CCDC32: variants seen among roughly 807,000 people sequenced by gnomAD.
CCDC32 encodes coiled-coil domain containing 32.
CCDC32 carries 9 observed loss-of-function variants against 20.1 expected under a neutral mutation model. That is an observed-to-expected ratio of 0.45 (90% CI 0.27 to 0.78). CCDC32 has a LOEUF of 0.78. Among genes scored for constraint, CCDC32 ranks in the 30% least tolerant of loss-of-function variants. The pLI is 0.16. For missense variants in CCDC32, 204 were observed against 215.5 expected, an observed-to-expected ratio of 0.95 and a Z score of 0.33; for synonymous variants, 63 against 79.0, an observed-to-expected ratio of 0.80 and a Z score of 1.07.
downstream of CCDC32, among the ~76,000 whole-genome samples, chr15:40,532,651 T>G (rs766576535): frequency 6.6e-6 from 1 of 152,038 alleles, no homozygotes; most frequent in Non-Finnish European, 1.5e-5. Flanking sequence ...CTGCTGCATA[T>G]TCTTTGTAAT....
chr15:40,527,710 C>G (rs1465484377), downstream of CCDC32, among the ~76,000 whole-genome samples: 2 of 152,318 alleles, frequency 1.3e-5, no homozygotes, highest in South Asian at 4.1e-4. Context: ...GAGACCTGAG[C>G]TAGCACATTA....
At chr15:40,562,688 G>A (rs1437359993) in intron 2 of CCDC32, 84 bp downstream of exon 2, 19 of 1,456,020 alleles carry the variant, frequency 1.3e-5, no homozygotes, top group African/African-American at 2.8e-5. Context: ...ACGTGTGACA[G>A]GAATAACAAC....
downstream of CCDC32, among the ~76,000 whole-genome samples, chr15:40,529,990 C>T (rs116656000): frequency 0.024 from 3,566 of 151,170 alleles, 159 homozygotes; most frequent in African/African-American, 0.082. Context: ...TTCCAAATCT[C>T]GTGTTAAAAT....
At chr15:40,544,614 A>G (rs1889537798) in intron 3 of CCDC32, among the ~76,000 whole-genome samples, 1 of 152,174 alleles carries the variant, frequency 6.6e-6, no homozygotes, top group African/African-American at 2.4e-5. Context: ...TGCTATACCA[A>G]CACACAGAGA....
downstream of CCDC32, chr15:40,552,978 A>G (rs1392285526): frequency 1.3e-5 from 4 of 303,594 alleles, no homozygotes; most frequent in African/African-American, 2.3e-5. Flanking sequence ...GCACATGCTA[A>G]TAACAGGAGG....
downstream of CCDC32, among the ~76,000 whole-genome samples, chr15:40,550,976 GTGTTT>G (rs1346872687): frequency 2.0e-5 from 3 of 152,334 alleles, no homozygotes; most frequent in African/African-American, 7.2e-5. Flanking sequence ...CTTTGGGAGA[GTGTTT>G]TGGGACCTCA....
At chr15:40,532,101 A>G, downstream of CCDC32, 1 of 505,888 alleles carries the variant, frequency 2.0e-6, no homozygotes, top group Non-Finnish European at 3.5e-6. Flanking sequence ...AAGTTGTTCT[A>G]TTATGGGTTC....
chr15:40,535,749 T>G, downstream of CCDC32: 3 of 688,828 alleles, frequency 4.4e-6, no homozygotes, highest in Non-Finnish European at 5.4e-6. Context: ...CATCTTTCTC[T>G]GATTGCAGTG....
intron 1 of CCDC32, 56 bp from the exon 2 acceptor site, chr15:40,563,083 T>C: frequency 6.4e-7 from 1 of 1,560,360 alleles, no homozygotes; most frequent in African/African-American, 1.4e-5. Flanking sequence ...CAGCATAAGG[T>C]TGAGCACAGT....
chr15:40,553,067 C>G (rs1462835634), downstream of CCDC32: 1 of 962,116 alleles, frequency 1.0e-6, no homozygotes, highest in Admixed American at 6.2e-5. Flanking sequence ...CTTCCAGGAG[C>G]AATCGAGTCA....
At chr15:40,564,650 C>T (rs1890897989) in intron 1 of CCDC32, 2 of 1,442,080 alleles carry the variant, frequency 1.4e-6, no homozygotes, top group Middle Eastern at 3.5e-4. Flanking sequence ...GCGTAAAGGC[C>T]GGAAGTAAAA....
intron 3 of CCDC32, among the ~76,000 whole-genome samples, chr15:40,542,280 TA>T (rs916114406): frequency 1.1e-4 from 16 of 152,378 alleles, no homozygotes; most frequent in African/African-American, 3.6e-4. Context: ...TTGTCCTTTG[TA>T]CTTCAGTGTG....
At chr15:40,534,097 G>A (rs1199446660), downstream of CCDC32, among the ~76,000 whole-genome samples, 1 of 152,126 alleles carries the variant, frequency 6.6e-6, no homozygotes, top group Non-Finnish European at 1.5e-5. Flanking sequence ...CCCACTCCTG[G>A]GAATTTGTCC....
Position 40,557,231 on chromosome 15 carries a change from A to C in CCDC32, c.386T>G (p.Leu129Arg). 1 of 1,613,378 alleles carries C rather than the reference A, an allele frequency of 6.2e-7. No individual in the cohort carries two copies. The highest frequency in any genetic ancestry group is 8.5e-7 in the Non-Finnish European group (1 of 1,179,800). Residue 129 changes from leucine (L) to arginine (R), a missense_variant, in exon 3 of 4, where the codon CTT (leucine) becomes CGT (arginine). Physicochemically the swap from Leu to Arg is moderately radical, Grantham distance 102 (BLOSUM62 -2). Coordinates refer to ENST00000416810, the MANE Select transcript of CCDC32 (RefSeq NM_001080792.4). ...KLASEFFVDG[L>R]DSDESTLEHF... ...AATCGATTACCTCTCATCAGAATCA[A>C]GTCCATCCACAAAGAACTCTGAAGC...
At chr15:40,548,069 C>T (rs1338427873) in intron 3 of CCDC32, among the ~76,000 whole-genome samples, 1 of 152,192 alleles carries the variant, frequency 6.6e-6, no homozygotes, top group East Asian at 1.9e-4. Flanking sequence ...ACTATCTCTC[C>T]TTCTATTTCC....
At chr15:40,539,261 A>G in exon 4 of CCDC32, 1 of 1,535,596 alleles carries the variant, frequency 6.5e-7, no homozygotes, top group South Asian at 1.2e-5. Context: ...TGGGCTGGAA[A>G]TGTCCTTCGC....
chr15:40,552,348 G>A (rs938100366), downstream of CCDC32, among the ~76,000 whole-genome samples: 4 of 151,708 alleles, frequency 2.6e-5, no homozygotes, highest in Non-Finnish European at 5.9e-5. Context: ...GGGCGTGGTG[G>A]TGCATGCCTG....
intron 2 of CCDC32, among the ~76,000 whole-genome samples, chr15:40,560,476 A>G (rs1890547063): frequency 6.6e-6 from 1 of 152,244 alleles, no homozygotes; most frequent in African/African-American, 2.4e-5. Flanking sequence ...TATCTAACAA[A>G]GGACTAATAT....
At chr15:40,558,561 G>A (rs1159363505) in intron 2 of CCDC32, among the ~76,000 whole-genome samples, 1 of 152,062 alleles carries the variant, frequency 6.6e-6, no homozygotes, top group Non-Finnish European at 1.5e-5. Context: ...GCCGGAAAAG[G>A]TCTTCCTCTC....
Sources: gnomAD v4.1 joint callset for allele counts (sites outside exome capture counted in the v4.1 genomes callset) on GRCh38, gnomAD v4.1.1 for gene constraint, MANE v1.5 for transcripts, NCBI Gene and HGNC (gene_info 2026-07-23, HGNC 2026-07-21) for gene names.